MRPL13: variants seen among roughly 807,000 people sequenced by gnomAD.
MRPL13 encodes the protein mitochondrial ribosomal protein L13.
Under a neutral mutation model 29.0 loss-of-function variants are expected in MRPL13, and 33 were observed. The observed-to-expected ratio is 1.14, with a 90% confidence interval of 0.86 to 1.52. The LOEUF (loss-of-function observed/expected upper bound fraction) is 1.52, where lower values mean the gene tolerates loss of function less well. Ranked by LOEUF, MRPL13 falls within the 40% of genes most tolerant of loss-of-function variation. The pLI, the probability that MRPL13 is intolerant of heterozygous loss-of-function variation, is 0.00. For missense variants in MRPL13, 227 were observed against 216.7 expected, an observed-to-expected ratio of 1.05 and a Z score of -0.30; for synonymous variants, 77 against 68.4, an observed-to-expected ratio of 1.13 and a Z score of -0.62.
intron 2 of MRPL13, among the ~76,000 whole-genome samples, chr8:120,441,628 A>C (rs1181999639): frequency 6.6e-6 from 1 of 152,248 alleles, no homozygotes; most frequent in Non-Finnish European, 1.5e-5. Context: ...TAAGAGATTA[A>C]AGGAACATAA....
chr8:120,413,187 G>C (rs909744271), intron 6 of MRPL13, among the ~76,000 whole-genome samples: 4 of 152,150 alleles, frequency 2.6e-5, no homozygotes, highest in Non-Finnish European at 5.9e-5. Flanking sequence ...TATAAAAGCT[G>C]ATAAAAGTCT....
chr8:120,404,726 T>C (rs1008183058), intron 6 of MRPL13, among the ~76,000 whole-genome samples: 3 of 152,216 alleles, frequency 2.0e-5, no homozygotes, highest in Non-Finnish European at 2.9e-5. Flanking sequence ...AAAGACACTG[T>C]TATTAGTTTC....
intron 2 of MRPL13, among the ~76,000 whole-genome samples, chr8:120,439,070 C>G (rs922945490): frequency 3.9e-5 from 6 of 152,228 alleles, no homozygotes; most frequent in South Asian, 2.1e-4. Context: ...ACCCCAAAAT[C>G]AATACTCATA....
chr8:120,440,044 T>G (rs1206577342), intron 2 of MRPL13, among the ~76,000 whole-genome samples: 1 of 152,224 alleles, frequency 6.6e-6, no homozygotes, highest in African/African-American at 2.4e-5. Context: ...GATACAGCTG[T>G]GTACAAAACC....
chr8:120,399,774 C>T (rs541464033), intron 6 of MRPL13, among the ~76,000 whole-genome samples: 1 of 152,026 alleles, frequency 6.6e-6, no homozygotes, highest in Admixed American at 6.5e-5. Context: ...CACACATAGG[C>T]TCGAAATAAA....
chr8:120,431,359 G>C (rs1361802027), intron 3 of MRPL13, among the ~76,000 whole-genome samples: 1 of 152,130 alleles, frequency 6.6e-6, no homozygotes, highest in African/African-American at 2.4e-5. Flanking sequence ...ATCTTAAAAG[G>C]CTGGAGATAA....
intron 1 of MRPL13, among the ~76,000 whole-genome samples, chr8:120,444,694 ATC>A (rs1219381347): frequency 6.6e-6 from 1 of 152,082 alleles, no homozygotes; most frequent in Non-Finnish European, 1.5e-5. Flanking sequence ...ACCAGGTCAG[ATC>A]CTGTTACTCC....
chr8:120,428,360 C>T (rs759844537), intron 3 of MRPL13, among the ~76,000 whole-genome samples: 2 of 152,120 alleles, frequency 1.3e-5, no homozygotes, highest in Non-Finnish European at 2.9e-5. Flanking sequence ...GGATTCCAGA[C>T]TTAACTGTAA....
At chr8:120,410,005 T>C (rs1009798791) in intron 6 of MRPL13, among the ~76,000 whole-genome samples, 4 of 152,218 alleles carry the variant, frequency 2.6e-5, no homozygotes, top group Admixed American at 1.3e-4. Context: ...TTAATTAAGA[T>C]TAAAGCAATT....
intron 5 of MRPL13, among the ~76,000 whole-genome samples, chr8:120,418,602 A>C (rs529147736): frequency 9.2e-5 from 14 of 152,230 alleles, no homozygotes; most frequent in African/African-American, 2.9e-4. Context: ...CTGAAATGAA[A>C]TAATTTCCTA....
Position 120,421,083 on chromosome 8 carries a change from TA to T in MRPL13, c.307-1146del, listed in dbSNP as rs1812868185. On this transcript the variant is annotated intron_variant, in intron 4 of 6. Coordinates refer to ENST00000306185, the MANE Select transcript of MRPL13 (RefSeq NM_014078.6). ...TATAAGTTTTAAGAAATTCAGAAAG[TA>T]AAAAAAATAGAATAAGATAAAGTTA... Among the ~76,000 whole-genome samples the T allele has an allele frequency of 2.0e-5, 3 of 151,500 alleles. No individual in the cohort carries two copies. In the South Asian group the frequency reaches 6.2e-4, roughly 31 times the overall value.
At chr8:120,416,941 T>C (rs1030934528) in intron 5 of MRPL13, among the ~76,000 whole-genome samples, 1 of 152,248 alleles carries the variant, frequency 6.6e-6, no homozygotes, top group African/African-American at 2.4e-5. Flanking sequence ...AATATTGTCA[T>C]ATGTAACTTT....
intron 6 of MRPL13, among the ~76,000 whole-genome samples, chr8:120,402,232 G>A (rs1324835721): frequency 1.3e-4 from 20 of 152,074 alleles, no homozygotes; most frequent in Non-Finnish European, 2.4e-4. Context: ...AAGGCACTTC[G>A]CTACCCAACT....
chr8:120,421,528 C>T (rs892014580), intron 4 of MRPL13, among the ~76,000 whole-genome samples: 9 of 151,804 alleles, frequency 5.9e-5, no homozygotes, highest in African/African-American at 1.7e-4. Context: ...CTGGCAGAGG[C>T]CTACTATTCC....
At chr8:120,421,155 G>A (rs924297807) in intron 4 of MRPL13, among the ~76,000 whole-genome samples, 4 of 151,540 alleles carry the variant, frequency 2.6e-5, no homozygotes, top group African/African-American at 9.7e-5. Context: ...CCCAGGGTAC[G>A]TGCCATTTGT....
At chr8:120,403,417 C>T (rs548754483) in intron 6 of MRPL13, among the ~76,000 whole-genome samples, 21 of 152,072 alleles carry the variant, frequency 1.4e-4, no homozygotes, top group African/African-American at 4.3e-4. Flanking sequence ...CATGTTCTCA[C>T]GTATGGGAGC....
intron 3 of MRPL13, among the ~76,000 whole-genome samples, chr8:120,428,739 A>G (rs900408295): frequency 1.3e-5 from 2 of 152,216 alleles, no homozygotes; most frequent in African/African-American, 4.8e-5. Context: ...AAAAAGCTCA[A>G]AATCACTGAT....
At chr8:120,418,339 T>C (rs371619845) in intron 5 of MRPL13, among the ~76,000 whole-genome samples, 12 of 152,150 alleles carry the variant, frequency 7.9e-5, no homozygotes, top group African/African-American at 2.4e-4. Context: ...AAAATAATCA[T>C]GTGCATGTGT....
intron 5 of MRPL13, among the ~76,000 whole-genome samples, chr8:120,418,006 T>C (rs1586922131): frequency 6.6e-6 from 1 of 152,158 alleles, no homozygotes. Flanking sequence ...AAAAATCTCA[T>C]TCTTTCCCTA....
Sources: allele counts gnomAD v4.1 joint callset (sites outside exome capture counted in the v4.1 genomes callset), GRCh38; gene constraint gnomAD v4.1.1; transcripts MANE v1.5; gene names NCBI Gene and HGNC (gene_info 2026-07-23, HGNC 2026-07-21).